The following KIAA1328 variants were observed in gnomAD, a reference collection of about 807,000 sequenced individuals.
The protein encoded by KIAA1328 is protein hinderin.
KIAA1328 carries 52 observed loss-of-function variants against 68.1 expected under a neutral mutation model. The ratio of observed to expected loss-of-function variants is 0.76; its 90% CI spans 0.61 to 0.96. The LOEUF (loss-of-function observed/expected upper bound fraction) is 0.96. Among genes scored for constraint, KIAA1328 ranks in the 40% least tolerant of loss-of-function variants. KIAA1328 has a pLI of 0.00. For missense variants in KIAA1328, 641 were observed against 677.6 expected, an observed-to-expected ratio of 0.95 and a Z score of 0.60; for synonymous variants, 232 against 239.4, an observed-to-expected ratio of 0.97 and a Z score of 0.28.
chr18:36,977,866 C>T (rs1160032778), intron 6 of KIAA1328, among the ~76,000 whole-genome samples: 1 of 152,030 alleles, frequency 6.6e-6, no homozygotes, highest in Non-Finnish European at 1.5e-5. Context: ...TCACTGCAAC[C>T]TCCGCCTTCC....
rs71168252 is a variant in KIAA1328 at position 36,992,451 on chromosome 18, CTTTTTTT to C, written c.576+33035_576+33041del. Among the ~76,000 whole-genome samples, 269 of 130,112 alleles carry C rather than the reference CTTTTTTT, an allele frequency of 2.1e-3. 1 individual carries two copies. Among genetic ancestry groups the C allele is most frequent in the African/African-American group, 8.7e-3 (251 of 29,002 alleles). The allele number at this position is 130,112 out of a possible 152,430, so 85.4% of individuals were successfully genotyped here. ...AGGTCCAATTTCTTTTCTTTTCTTT[CTTTTTTT>C]TTTTTTTTTTTTTTTTTTGCTATAT... On this transcript the variant is annotated intron_variant, in intron 6 of 9. Coordinates refer to ENST00000280020, the MANE Select transcript of KIAA1328 (RefSeq NM_020776.3).
At chr18:37,001,837 G>A (rs2053596418) in intron 6 of KIAA1328, among the ~76,000 whole-genome samples, 1 of 152,060 alleles carries the variant, frequency 6.6e-6, no homozygotes, top group Non-Finnish European at 1.5e-5. Context: ...ATCGAACCAG[G>A]TTAGAAGTAA....
downstream of KIAA1328, among the ~76,000 whole-genome samples, chr18:37,228,075 G>C (rs912656825): frequency 6.6e-6 from 1 of 152,162 alleles, no homozygotes. Flanking sequence ...AGATGTGGTG[G>C]AAATAGCAAG....
At chr18:36,999,107 A>G (rs1282274531) in intron 6 of KIAA1328, among the ~76,000 whole-genome samples, 1 of 152,240 alleles carries the variant, frequency 6.6e-6, no homozygotes, top group Non-Finnish European at 1.5e-5. Flanking sequence ...AAATTCTGGA[A>G]CTAAAGAATT....
At chr18:36,924,140 T>G (rs1766637132) in intron 5 of KIAA1328, among the ~76,000 whole-genome samples, 1 of 152,096 alleles carries the variant, frequency 6.6e-6, no homozygotes, top group Admixed American at 6.6e-5. Context: ...GTTTGTTTGG[T>G]TTTGATTAGT....
chr18:37,007,011 TATTTGTTAAG>T (rs1157142177), intron 6 of KIAA1328, among the ~76,000 whole-genome samples: 1 of 152,214 alleles, frequency 6.6e-6, no homozygotes, highest in Admixed American at 6.6e-5. Flanking sequence ...TTACTTCATT[TATTTGTTAAG>T]ATTTCTTGAG....
chr18:37,222,851 G>T lies in KIAA1328; in HGVS notation c.*624G>T. On this transcript the variant is annotated 3_prime_UTR_variant, in exon 10 of 10. Transcript: ENST00000280020. ...TAACCAAAGAGCTCAATGGGCTGGAGGGTGAGACCCAGCCAATCCTTGGGA... is the reference window on the plus strand; with the variant it reads ...TAACCAAAGAGCTCAATGGGCTGGATGGTGAGACCCAGCCAATCCTTGGGA... 1 of 988,772 alleles carries T rather than the reference G, an allele frequency of 1.0e-6. No individual in the cohort carries two copies. Among genetic ancestry groups the T allele is most frequent in the Middle Eastern group, 5.2e-4 (1 of 1,924 alleles). 61.2% of individuals were successfully genotyped at this position (988,772 alleles called of 1,614,324 possible).
chr18:36,889,006 T>A (rs889275568), intron 5 of KIAA1328, among the ~76,000 whole-genome samples: 1 of 152,192 alleles, frequency 6.6e-6, no homozygotes, highest in Admixed American at 6.5e-5. Context: ...CTTGATTTAT[T>A]GATCAGCTGT....
intron 7 of KIAA1328, among the ~76,000 whole-genome samples, chr18:37,143,352 A>G (rs1383232255): frequency 6.6e-6 from 1 of 152,122 alleles, no homozygotes; most frequent in Non-Finnish European, 1.5e-5. Flanking sequence ...TAGAAAGACT[A>G]TTGGTTTTTG....
At chr18:37,000,421 A>G (rs1436468809) in intron 6 of KIAA1328, among the ~76,000 whole-genome samples, 4 of 152,134 alleles carry the variant, frequency 2.6e-5, no homozygotes, top group Non-Finnish European at 5.9e-5. Context: ...GGGGACTTCA[A>G]CACCCCACTC....
chr18:37,032,883 C>T (rs1399690971), intron 6 of KIAA1328, among the ~76,000 whole-genome samples: 1 of 152,156 alleles, frequency 6.6e-6, no homozygotes, highest in Non-Finnish European at 1.5e-5. Context: ...TCAGGCGATC[C>T]ACCCACCTCG....
intron 5 of KIAA1328, among the ~76,000 whole-genome samples, chr18:36,889,559 C>G (rs1022874465): frequency 9.2e-5 from 14 of 152,058 alleles, no homozygotes; most frequent in African/African-American, 3.4e-4. Context: ...AGTCATAATC[C>G]CATTTTAGCA....
chr18:37,029,875 T>C lies in KIAA1328; in HGVS notation c.577-37015T>C, dbSNP rs1410743350. Among the ~76,000 whole-genome samples, 13 of 152,228 alleles carry C rather than the reference T, an allele frequency of 8.5e-5. No individual in the cohort carries two copies. The East Asian group carries it at 2.3e-3, about 27-fold the overall frequency. On this transcript the variant is annotated intron_variant, in intron 6 of 9. Transcript: ENST00000280020. ...TTTGTGAGAATATTTTTAATTACTA[T>C]GTCAATTTCTGTAATTTATGTGGGA...
chr18:37,095,032 T>C (rs1399616900), intron 7 of KIAA1328, among the ~76,000 whole-genome samples: 2 of 151,644 alleles, frequency 1.3e-5, no homozygotes, highest in African/African-American at 4.8e-5. Flanking sequence ...TACAAGAGGC[T>C]ATAACAATGG....
chr18:37,040,458 C>T (rs901031057), intron 6 of KIAA1328, among the ~76,000 whole-genome samples: 3 of 152,046 alleles, frequency 2.0e-5, no homozygotes, highest in African/African-American at 7.2e-5. Flanking sequence ...TAATCTGTCT[C>T]TTGTTTTATT....
intron 7 of KIAA1328, among the ~76,000 whole-genome samples, chr18:37,093,923 C>T (rs2057333187): frequency 6.6e-6 from 1 of 152,152 alleles, no homozygotes; most frequent in Admixed American, 6.6e-5. Flanking sequence ...AAGGAATCCT[C>T]ATCAGACTAA....
At position 37,222,729 on chromosome 18, in the gene KIAA1328, T is replaced by C. The variant is rs1003828422; in HGVS notation, c.*502T>C. On this transcript the variant is annotated 3_prime_UTR_variant, in exon 10 of 10. Coordinates refer to ENST00000280020, the MANE Select transcript of KIAA1328 (RefSeq NM_020776.3). ...ACATTTCTGTAAGTGGTCCTTTAAT[T>C]CTGAAGTTGGAGTTGGTGCCCCTGC... 8.1e-6 allele frequency: 8 copies of C among 993,276 alleles called. No homozygotes were observed. The African/African-American group carries it at 1.2e-4, about 15-fold the overall frequency. The allele number at this position is 993,276 out of a possible 1,614,324, so 61.5% of individuals were successfully genotyped here.
chr18:37,063,299 A>C (rs2056224307), intron 6 of KIAA1328, among the ~76,000 whole-genome samples: 1 of 152,084 alleles, frequency 6.6e-6, no homozygotes, highest in South Asian at 2.1e-4. Context: ...TTATTTCTTC[A>C]TGGCCAGCAG....
At chr18:37,192,960 T>G (rs2059934482) in intron 9 of KIAA1328, among the ~76,000 whole-genome samples, 1 of 152,120 alleles carries the variant, frequency 6.6e-6, no homozygotes, top group Admixed American at 6.5e-5. Context: ...CTTAAATAAT[T>G]TTATTTTTAT....
Sources: allele counts gnomAD v4.1 joint callset (sites outside exome capture counted in the v4.1 genomes callset), GRCh38; gene constraint gnomAD v4.1.1; transcripts MANE v1.5; gene names NCBI Gene and HGNC (gene_info 2026-07-23, HGNC 2026-07-21).